The following KIFAP3 variants were observed in gnomAD, a reference collection of about 807,000 sequenced individuals.
KIFAP3 encodes the protein kinesin-associated protein 3.
A neutral mutation model predicts 106.5 loss-of-function variants in KIFAP3; 68 were observed. That is an observed-to-expected ratio of 0.64 (90% CI 0.53 to 0.78). The LOEUF is 0.78. Among genes scored for constraint, KIFAP3 ranks in the 30% least tolerant of loss-of-function variants. KIFAP3 has a pLI of 0.00. For synonymous variants in KIFAP3, 320 were observed against 311.5 expected, an observed-to-expected ratio of 1.03 and a Z score of -0.29; for missense variants, 780 against 941.8, an observed-to-expected ratio of 0.83 and a Z score of 2.25.
At position 169,999,728 on chromosome 1, in the gene KIFAP3, T is replaced by C. The variant is rs190502558; in HGVS notation, c.1184-7473A>G. Reference sequence around the variant, plus strand: ...TTAGCTGGATCATTATTTGAAAGTGTTACTGAATTATCTTAGCATTTGTGC... The same window carrying C: ...TTAGCTGGATCATTATTTGAAAGTGCTACTGAATTATCTTAGCATTTGTGC... On this transcript the variant is annotated intron_variant, in intron 10 of 19. Coordinates refer to ENST00000361580, the MANE Select transcript of KIFAP3 (RefSeq NM_014970.4). Among the ~76,000 whole-genome samples the C allele has an allele frequency of 1.5e-4, 23 of 152,304 alleles. No individual in the cohort carries two copies. In the East Asian group the frequency reaches 4.2e-3, roughly 28 times the overall value.
chr1:170,047,906 A>G (rs921881975), intron 2 of KIFAP3, among the ~76,000 whole-genome samples: 1 of 152,204 alleles, frequency 6.6e-6, no homozygotes, highest in Admixed American at 6.5e-5. Flanking sequence ...CTAGTGTCAA[A>G]AGACTGTCAA....
intron 19 of KIFAP3, among the ~76,000 whole-genome samples, chr1:169,950,741 C>T (rs760126720): frequency 6.6e-5 from 10 of 151,914 alleles, no homozygotes; most frequent in Admixed American, 1.3e-4. Flanking sequence ...TGCTTAAAAT[C>T]GGTTAAAATT....
Position 170,055,390 on chromosome 1 carries a change from G to A in KIFAP3, c.79C>T (p.Leu27Phe), listed in dbSNP as rs1239791672. ...NIDVHPSEKA[L>F]IVHYEVEATI... ...GCTTCCACTTCATAGTGAACAATGA[G>A]TGCTTTTTCTGATGGATGTACATCT... The change falls in exon 2 of 20, where the codon CTC (leucine) becomes TTC (phenylalanine). Residue 27 changes from leucine to phenylalanine, a missense_variant. By Grantham distance (22) the Leu-to-Phe change is conservative (BLOSUM62 0). Coordinates refer to ENST00000361580, the MANE Select transcript of KIFAP3 (RefSeq NM_014970.4). 3 of 1,609,004 alleles carry A rather than the reference G, an allele frequency of 1.9e-6. 1 individual carries two copies. Among genetic ancestry groups the A allele is most frequent in the Non-Finnish European group, 2.5e-6 (3 of 1,177,026 alleles).
At chr1:170,068,064 A>T (rs1219066259) in intron 1 of KIFAP3, 1 of 152,206 alleles carries the variant, frequency 6.6e-6, no homozygotes, top group African/African-American at 2.4e-5. Flanking sequence ...CCAAACACTG[A>T]GTCAACCTAC....
rs1342297428 is a variant in KIFAP3 at position 169,978,155 on chromosome 1, AC to A, written c.1826del (p.Cys609PhefsTer3). ...NAQQEDDEFV[C>X]QIIYVFYQMV... ...TCTGGTAGAAGACATAAATTATCTG[AC>A]ACACAAATTCATCATCTTCTTGTTG... On this transcript the variant is annotated frameshift_variant, in exon 16 of 20. Coordinates refer to ENST00000361580, the MANE Select transcript of KIFAP3 (RefSeq NM_014970.4). LOFTEE classifies it high-confidence loss of function. 6.2e-7 allele frequency: 1 copy of A among 1,612,120 alleles called. No individual in the cohort carries two copies. Among genetic ancestry groups the A allele is most frequent in the Non-Finnish European group, 8.5e-7 (1 of 1,178,702 alleles).
intron 7 of KIFAP3, 96 bp downstream of exon 7, chr1:170,034,276 A>C: frequency 8.4e-7 from 1 of 1,187,144 alleles, no homozygotes; most frequent in Non-Finnish European, 1.2e-6. Context: ...TGTAATTAAC[A>C]ATTTTTAAAA....
At chr1:169,979,264 C>T (rs979999157) in intron 15 of KIFAP3, among the ~76,000 whole-genome samples, 2 of 152,100 alleles carry the variant, frequency 1.3e-5, no homozygotes, top group Non-Finnish European at 2.9e-5. Context: ...CGTGTCTTTA[C>T]TTTTACCTCC....
intron 10 of KIFAP3, among the ~76,000 whole-genome samples, chr1:169,999,014 A>G (rs554407226): frequency 7.2e-5 from 11 of 152,334 alleles, no homozygotes; most frequent in African/African-American, 1.9e-4. Flanking sequence ...AGGTCTGCAA[A>G]GAAAGTAAAG....
At chr1:170,041,052 T>C (rs1411248701) in intron 3 of KIFAP3, among the ~76,000 whole-genome samples, 1 of 152,118 alleles carries the variant, frequency 6.6e-6, no homozygotes, top group Admixed American at 6.5e-5. Context: ...CTCGATCTCT[T>C]GACCTCGTGA....
intron 15 of KIFAP3, among the ~76,000 whole-genome samples, chr1:169,980,017 T>G (rs1244140300): frequency 6.6e-6 from 1 of 152,096 alleles, no homozygotes; most frequent in Non-Finnish European, 1.5e-5. Context: ...TAAACTAGAT[T>G]CCACTTATAT....
intron 15 of KIFAP3, among the ~76,000 whole-genome samples, chr1:169,979,919 T>C (rs1249385938): frequency 1.3e-5 from 2 of 152,172 alleles, no homozygotes; most frequent in Non-Finnish European, 2.9e-5. Context: ...GGTATGTTTA[T>C]ATAATAAAAT....
At chr1:170,077,798 T>C (rs1671948286), upstream of KIFAP3, among the ~76,000 whole-genome samples, 1 of 152,200 alleles carries the variant, frequency 6.6e-6, no homozygotes, top group African/African-American at 2.4e-5. Context: ...CATCTGAATG[T>C]AATGATAGGC....
At chr1:170,007,522 G>A (rs1251010974) in intron 10 of KIFAP3, among the ~76,000 whole-genome samples, 1 of 152,076 alleles carries the variant, frequency 6.6e-6, no homozygotes. Flanking sequence ...TTTTACAATT[G>A]CTACGAAGAG....
chr1:170,048,300 G>GT (rs11447201), intron 2 of KIFAP3, among the ~76,000 whole-genome samples: 26,720 of 142,532 alleles, frequency 0.19, 2,477 homozygotes, highest in Middle Eastern at 0.23. Context: ...CCTTATTTGG[G>GT]TTTTTTTTTT....
At chr1:169,983,474 C>T (rs1469346195) in intron 12 of KIFAP3, 92 bp from the exon 13 acceptor site, 4 of 754,600 alleles carry the variant, frequency 5.3e-6, no homozygotes, top group Middle Eastern at 2.3e-4. Context: ...CAATTTACAT[C>T]TAGTAAAATG....
chr1:170,010,611 C>T (rs890184001), intron 10 of KIFAP3, among the ~76,000 whole-genome samples: 3 of 151,756 alleles, frequency 2.0e-5, no homozygotes, highest in African/African-American at 7.3e-5. Context: ...GTTATTCAGT[C>T]ATTAACACCA....
At chr1:169,963,177 C>T (rs78742086) in intron 17 of KIFAP3, among the ~76,000 whole-genome samples, 2,863 of 152,262 alleles carry the variant, frequency 0.019, 41 homozygotes, top group Non-Finnish European at 0.025. Flanking sequence ...TGTTTTAGCA[C>T]CCATTTATAA....
chr1:170,025,420 A>C (rs190712333), intron 8 of KIFAP3, among the ~76,000 whole-genome samples: 13 of 152,128 alleles, frequency 8.5e-5, no homozygotes, highest in African/African-American at 2.9e-4. Flanking sequence ...TTAGTATTTC[A>C]CTTCATGTAT....
chr1:169,987,271 C>A (rs1275229366), intron 11 of KIFAP3, among the ~76,000 whole-genome samples: 2 of 151,992 alleles, frequency 1.3e-5, no homozygotes, highest in African/African-American at 4.8e-5. Context: ...CAGAAAAGCA[C>A]TAAAAGGGCT....
Sources: gnomAD v4.1 joint callset for allele counts (sites outside exome capture counted in the v4.1 genomes callset) on GRCh38, gnomAD v4.1.1 for gene constraint, MANE v1.5 for transcripts, NCBI Gene and HGNC (gene_info 2026-07-23, HGNC 2026-07-21) for gene names.